The following CXADR variants were observed in gnomAD, a reference collection of about 807,000 sequenced individuals.
The protein encoded by CXADR is CXADR cell adhesion molecule, also known as coxsackievirus and adenovirus receptor.
Under a neutral mutation model 40.3 loss-of-function variants are expected in CXADR, and 20 were observed. The observed-to-expected ratio is 0.50, with a 90% CI of 0.35 to 0.72. CXADR has a LOEUF of 0.72. Among genes scored for constraint, CXADR ranks in the 30% least tolerant of loss-of-function variants. The probability of loss-of-function intolerance (pLI) is 0.01; values close to 1 mark genes in which losing one functional copy is unlikely to be tolerated. For synonymous variants in CXADR, 150 were observed against 161.3 expected (o/e 0.93, Z 0.53); for missense variants, 332 against 449.1 (o/e 0.74, Z 2.36).
chr21:17,566,673 G>GT lies in CXADR; in HGVS notation c.*986dup. ...GGTTCCAGTGCTTTATGTTGTTGTTGTTTTTGGATGGTGTTACATATTATA... is the reference window on the plus strand; with the variant it reads ...GGTTCCAGTGCTTTATGTTGTTGTTGTTTTTTGGATGGTGTTACATATTATA... On this transcript the variant is annotated 3_prime_UTR_variant, in exon 7 of 7. Coordinates refer to ENST00000284878, the MANE Select transcript of CXADR (RefSeq NM_001338.5). The GT allele has an allele frequency of 2.0e-6, 2 of 983,486 alleles. No homozygotes were observed. The highest frequency in any genetic ancestry group is 2.4e-6 in the Non-Finnish European group (2 of 829,064). The allele number at this position is 983,486 out of a possible 1,614,324, so 60.9% of individuals were successfully genotyped here.
At chr21:17,538,702 G>C (rs138660485) in intron 1 of CXADR, among the ~76,000 whole-genome samples, 1 of 152,130 alleles carries the variant, frequency 6.6e-6, no homozygotes, top group Admixed American at 6.5e-5. Context: ...TGTAGTCCCA[G>C]CTCCTTGGGA....
chr21:17,528,198 C>T (rs2060623070), intron 1 of CXADR, among the ~76,000 whole-genome samples: 2 of 150,502 alleles, frequency 1.3e-5, no homozygotes, highest in Non-Finnish European at 1.5e-5. Flanking sequence ...CTCACCCTCT[C>T]GAGTAGCTGG....
intron 1 of CXADR, among the ~76,000 whole-genome samples, chr21:17,527,901 C>T (rs1321409214): frequency 6.6e-6 from 1 of 150,408 alleles, no homozygotes; most frequent in African/African-American, 2.4e-5. Context: ...AAATGCTCAG[C>T]TTCACATTCA....
rs1279330223 is a variant in CXADR, at chr21:17,530,150, C to T, written c.44-16877C>T. 4.4e-5 allele frequency among the ~76,000 whole-genome samples: 5 copies of T among 113,398 alleles called. No homozygotes were observed. The Admixed American group carries it at 4.9e-4, about 11-fold the overall frequency. The allele number at this position is 113,398 out of a possible 152,430, so 74.4% of individuals were successfully genotyped here. On this transcript the variant is annotated intron_variant, in intron 1 of 6. Transcript: ENST00000284878. ...TTTTTTTTGTATTTTTTAGTAGAGA[C>T]GGGGTTTCACCATACTGGCCAGGCT...
At chr21:17,552,354 A>G (rs971206491) in intron 3 of CXADR, among the ~76,000 whole-genome samples, 1 of 152,202 alleles carries the variant, frequency 6.6e-6, no homozygotes, top group Admixed American at 6.5e-5. Flanking sequence ...AAGAAGGAAT[A>G]TTGAATTCAA....
chr21:17,592,662 G>A (rs1207778736), intron 7 of CXADR, among the ~76,000 whole-genome samples: 1 of 150,932 alleles, frequency 6.6e-6, no homozygotes, highest in African/African-American at 2.4e-5. Context: ...AATAACTTTG[G>A]TTAAAAAAAA....
At chr21:17,594,606 A>G (rs2061480260), downstream of CXADR, among the ~76,000 whole-genome samples, 1 of 152,096 alleles carries the variant, frequency 6.6e-6, no homozygotes, top group African/African-American at 2.4e-5. Flanking sequence ...CAAAACATGG[A>G]ACGAATGGAA....
the CXADR span, among the ~76,000 whole-genome samples, chr21:17,621,966 G>C: frequency 2.0e-5 from 3 of 152,312 alleles, no homozygotes; most frequent in Admixed American, 6.5e-5. Context: ...TTTGTATGTG[G>C]TTGGGCTCCC....
At chr21:17,544,826 G>A (rs2060873990) in intron 1 of CXADR, among the ~76,000 whole-genome samples, 1 of 152,118 alleles carries the variant, frequency 6.6e-6, no homozygotes, top group Admixed American at 6.5e-5. Context: ...AACGTAAATG[G>A]TGTTGAATGT....
rs117538907 is a variant in CXADR at position 17,513,672 on chromosome 21, T to C, written c.43+500T>C. On this transcript the variant is annotated intron_variant, in intron 1 of 6. Coordinates refer to ENST00000284878, the MANE Select transcript of CXADR (RefSeq NM_001338.5). ...ACATGGAGCTGCCCGGTGCCTCGGA[T>C]CGGCCAGGCTACCTCTAGGAAAGAG... is the stretch of plus-strand genomic sequence containing the variant. 4.6e-3 allele frequency among the ~76,000 whole-genome samples: 699 copies of C among 152,304 alleles called. 1 individual carries two copies. Among genetic ancestry groups the C allele is most frequent in the Non-Finnish European group, 7.0e-3 (474 of 68,020 alleles).
intron 7 of CXADR, chr21:17,593,115 A>G: frequency 7.6e-7 from 1 of 1,318,578 alleles, no homozygotes; most frequent in African/African-American, 1.5e-5. Flanking sequence ...GAAAAATCAA[A>G]ACTCTTATAG....
chr21:17,513,253 C>A (rs2060414025), intron 1 of CXADR, 81 bp downstream of exon 1: 1 of 1,243,650 alleles, frequency 8.0e-7, no homozygotes, highest in Non-Finnish European at 1.0e-6. Context: ...AACAATGGGG[C>A]GTGGGGGAGG....
chr21:17,619,385 A>G, the CXADR span, among the ~76,000 whole-genome samples: 2 of 152,204 alleles, frequency 1.3e-5, no homozygotes, highest in East Asian at 1.9e-4. Flanking sequence ...CATGGCTAAC[A>G]TGGCAAAACC....
chr21:17,515,058 G>T (rs2060443025), intron 1 of CXADR, among the ~76,000 whole-genome samples: 1 of 151,974 alleles, frequency 6.6e-6, no homozygotes, highest in Admixed American at 6.6e-5. Context: ...TGCTCATAAG[G>T]TATACACGGG....
At chr21:17,585,681 C>T (rs1241928819) in intron 7 of CXADR, among the ~76,000 whole-genome samples, 1 of 152,054 alleles carries the variant, frequency 6.6e-6, no homozygotes, top group Middle Eastern at 3.2e-3. Flanking sequence ...CTACGCCCAG[C>T]TAATTTTTTT....
intron 7 of CXADR, among the ~76,000 whole-genome samples, chr21:17,592,695 T>C (rs112722131): frequency 2.0e-5 from 3 of 151,864 alleles, no homozygotes; most frequent in African/African-American, 7.2e-5. Context: ...ATCTCCCTTG[T>C]GACACTAATA....
the CXADR span, chr21:17,633,140 T>C: frequency 6.6e-6 from 1 of 152,194 alleles, no homozygotes; most frequent in Non-Finnish European, 1.5e-5. Context: ...CTTTGTTTTC[T>C]TCCCCCAGGC....
In CXADR at chr21:17,547,052, T is replaced by C. The variant is rs893498128; in HGVS notation, c.69T>C (p.Thr23=). 3.1e-6 allele frequency: 5 copies of C among 1,612,968 alleles called. No homozygotes were observed. In the African/African-American group the frequency reaches 6.7e-5, roughly 22 times the overall value. Reference sequence around the variant, plus strand: ...ATTTCGCCAGAAGTTTGAGTATCACTACTCCTGAAGAGATGATTGAAAAAG... The same window carrying C: ...ATTTCGCCAGAAGTTTGAGTATCACCACTCCTGAAGAGATGATTGAAAAAG... ...VVDFARSLSI[T]TPEEMIEKAK... is the part of the protein sequence containing the mutation. Residue 23 remains threonine, a synonymous_variant, in exon 2 of 7, where the codon ACT becomes ACC. Transcript: ENST00000284878.
intron 5 of CXADR, 116 bp downstream of exon 5, chr21:17,560,940 CTG>C (rs1383458783): frequency 1.9e-5 from 27 of 1,432,642 alleles, no homozygotes; most frequent in Non-Finnish European, 2.2e-5. Flanking sequence ...GATCAGAACA[CTG>C]TGGTTTGATT....
Sources: allele counts gnomAD v4.1 joint callset (sites outside exome capture counted in the v4.1 genomes callset), GRCh38; gene constraint gnomAD v4.1.1; transcripts MANE v1.5; gene names NCBI Gene and HGNC (gene_info 2026-07-23, HGNC 2026-07-21).